SLC38A9: variants seen among roughly 807,000 people sequenced by gnomAD.
SLC38A9 encodes neutral amino acid transporter 9.
SLC38A9 carries 48 observed loss-of-function variants against 62.3 expected under a neutral mutation model. That is an observed-to-expected ratio of 0.77 (90% CI 0.61 to 0.98). The LOEUF (loss-of-function observed/expected upper bound fraction) is 0.98. Ranked by LOEUF, SLC38A9 falls within the 50% of genes least tolerant of loss-of-function variation. The probability of loss-of-function intolerance (pLI) is 0.00; values close to 1 mark genes in which losing one functional copy is unlikely to be tolerated. For missense variants in SLC38A9, 541 were observed against 679.8 expected, an observed-to-expected ratio of 0.80 and a Z score of 2.27; for synonymous variants, 204 against 227.7, an observed-to-expected ratio of 0.90 and a Z score of 0.94.
rs75603007 is a variant in SLC38A9, at chr5:55,646,036, C to T, written c.1061-141G>A. 784 of 613,896 alleles carry T rather than the reference C, an allele frequency of 1.3e-3. 3 individuals are homozygous for T. The East Asian group carries it at 0.018, about 14-fold the overall frequency. The allele number at this position is 613,896 out of a possible 1,614,324, so 38.0% of individuals were successfully genotyped here. ...ATTAAAATGTCTTTACAAAGTTCCT[C>T]GAGGCCAGCATTATACTTGGGCGAA... is the stretch of plus-strand genomic sequence containing the variant. On this transcript the variant is annotated intron_variant, in intron 11 of 15. Transcript: ENST00000396865.
At chr5:55,663,055 C>T (rs1226348186) in intron 8 of SLC38A9, among the ~76,000 whole-genome samples, 1 of 151,902 alleles carries the variant, frequency 6.6e-6, no homozygotes, top group Admixed American at 6.6e-5. Flanking sequence ...CCACCACACC[C>T]AGCTAATTTT....
chr5:55,642,265 T>C (rs955532181), intron 12 of SLC38A9, among the ~76,000 whole-genome samples: 192 of 152,358 alleles, frequency 1.3e-3, no homozygotes, highest in African/African-American at 4.4e-3. Flanking sequence ...CAGGAAGGTC[T>C]CAATCTCCTG....
chr5:55,654,718 T>C (rs956384130), intron 9 of SLC38A9, among the ~76,000 whole-genome samples: 1 of 152,218 alleles, frequency 6.6e-6, no homozygotes, highest in Non-Finnish European at 1.5e-5. Flanking sequence ...TTAACTTCTA[T>C]GTTCCCTGGT....
chr5:55,672,191 C>T (rs74836659), intron 4 of SLC38A9, among the ~76,000 whole-genome samples: 1,605 of 152,164 alleles, frequency 0.011, 24 homozygotes, highest in African/African-American at 0.037. Flanking sequence ...AAAAATATTT[C>T]CCTTACAGCT....
rs143735044 is a variant in SLC38A9, at chr5:55,656,754, C to T, written c.718G>A (p.Asp240Asn). 5.8e-5 allele frequency: 91 copies of T among 1,578,372 alleles called. No individual in the cohort carries two copies. The highest frequency in any genetic ancestry group is 2.7e-4 in the African/African-American group (20 of 73,606). ...FIFNFIHHIN[D>N]TDTILSTNNS... is the part of the protein sequence containing the mutation. ...TTGGTACTCAGTATAGTGTCTGTGT[C>T]ATTAATGTGATGAATAAAATCTAAA... Residue 240 changes from aspartate to asparagine, a missense_variant, in exon 9 of 16, where the codon GAC (aspartate) becomes AAC (asparagine). Physicochemically the swap from Asp to Asn is conservative, Grantham distance 23. Coordinates refer to ENST00000396865, the MANE Select transcript of SLC38A9 (RefSeq NM_173514.4).
At chr5:55,637,229 TCAC>T (rs2150072151) in intron 12 of SLC38A9, among the ~76,000 whole-genome samples, 1 of 152,278 alleles carries the variant, frequency 6.6e-6, no homozygotes, top group East Asian at 1.9e-4. Context: ...TACTACCTGA[TCAC>T]CACGTTATTT....
intron 12 of SLC38A9, 37 bp from the exon 13 acceptor site, chr5:55,635,694 A>T (rs538778258): frequency 7.2e-7 from 1 of 1,389,572 alleles, no homozygotes; most frequent in East Asian, 2.3e-5. Context: ...AATACTGAAG[A>T]ACCTTGTAGT....
intron 14 of SLC38A9, among the ~76,000 whole-genome samples, chr5:55,628,925 C>A (rs1166820116): frequency 5.3e-5 from 8 of 152,080 alleles, no homozygotes; most frequent in Non-Finnish European, 1.2e-4. Context: ...CCTTTGGGCC[C>A]AAGTCATCAG....
At chr5:55,627,832 A>C in intron 15 of SLC38A9, 59 bp downstream of exon 15, 1 of 1,040,190 alleles carries the variant, frequency 9.6e-7, no homozygotes, top group South Asian at 1.5e-5. Context: ...CAACAACAGG[A>C]AAAGCCTGAA....
chr5:55,645,747 C>G, intron 12 of SLC38A9, 42 bp downstream of exon 12: 2 of 1,359,870 alleles, frequency 1.5e-6, no homozygotes, highest in Non-Finnish European at 2.1e-6. Context: ...AAAAATTTAT[C>G]CTCGGGAGAT....
At chr5:55,635,166 G>T (rs1744134357) in intron 13 of SLC38A9, 2 of 193,090 alleles carry the variant, frequency 1.0e-5, no homozygotes, top group Non-Finnish European at 2.1e-5. Context: ...TTAAAAATAG[G>T]GAGTTCCTTC....
intron 11 of SLC38A9, among the ~76,000 whole-genome samples, 188 bp from the exon 12 acceptor site, chr5:55,646,083 A>T (rs1208804596): frequency 1.3e-5 from 2 of 152,210 alleles, no homozygotes; most frequent in African/African-American, 2.4e-5. Context: ...GGGGAAAAAA[A>T]GGTATGCTCT....
At chr5:55,694,721 C>CCTCCG (rs1157171762) in intron 3 of SLC38A9, among the ~76,000 whole-genome samples, 5 of 148,630 alleles carry the variant, frequency 3.4e-5, no homozygotes, top group African/African-American at 1.2e-4. Context: ...CCTCCCCTCC[C>CCTCCG]CTCCGCTCCC....
intron 3 of SLC38A9, among the ~76,000 whole-genome samples, chr5:55,694,907 C>G (rs1755268577): frequency 6.6e-6 from 1 of 152,086 alleles, no homozygotes; most frequent in African/African-American, 2.4e-5. Flanking sequence ...TGTGCGCCAC[C>G]ACGCCCAGCT....
At position 55,711,309 on chromosome 5, in the gene SLC38A9, GA is replaced by G. The variant is rs575172831; in HGVS notation, c.-35+142del. The G allele has an allele frequency of 4.3e-3, 645 of 151,684 alleles. 3 individuals are homozygous for G. Among genetic ancestry groups the G allele is most frequent in the African/African-American group, 0.015 (608 of 41,058 alleles). 9.4% of individuals were successfully genotyped at this position (151,684 alleles called of 1,614,324 possible). ...CTCTTGTCTGAAAAAAAAAAAGAAA[GA>G]AAAGAAAAGAAAAAAGAAAACAAGG... is the stretch of plus-strand genomic sequence containing the variant. On this transcript the variant is annotated intron_variant, in intron 2 of 15. Transcript: ENST00000396865.
At chr5:55,675,134 T>C (rs1751900003) in intron 3 of SLC38A9, 2 of 152,218 alleles carry the variant, frequency 1.3e-5, no homozygotes, top group South Asian at 4.1e-4. Context: ...ACTTTAAAAA[T>C]TCAATATTAT....
chr5:55,711,178 A>G (rs948606259), intron 2 of SLC38A9, among the ~76,000 whole-genome samples: 9 of 151,732 alleles, frequency 5.9e-5, no homozygotes, highest in Non-Finnish European at 1.2e-4. Flanking sequence ...CTGTAATCCT[A>G]GCTACTCAGG....
At chr5:55,671,848 A>G (rs1468530176) in intron 4 of SLC38A9, among the ~76,000 whole-genome samples, 1 of 148,884 alleles carries the variant, frequency 6.7e-6, no homozygotes, top group Non-Finnish European at 1.5e-5. Context: ...ACTCCATCTC[A>G]AAAAAAAAGA....
intron 2 of SLC38A9, among the ~76,000 whole-genome samples, chr5:55,706,073 A>G (rs1757253933): frequency 6.6e-6 from 1 of 152,152 alleles, no homozygotes; most frequent in Non-Finnish European, 1.5e-5. Context: ...GGGTATCCGG[A>G]TTACACATTA....
Sources: allele counts gnomAD v4.1 joint callset (sites outside exome capture counted in the v4.1 genomes callset), GRCh38; gene constraint gnomAD v4.1.1; transcripts MANE v1.5; gene names NCBI Gene and HGNC (gene_info 2026-07-23, HGNC 2026-07-21).